Variants in MSRA observed in about 807,000 individuals in gnomAD.
The protein encoded by MSRA is mitochondrial peptide methionine sulfoxide reductase.
MSRA carries 54 observed loss-of-function variants against 31.3 expected under a neutral mutation model. The ratio of observed to expected loss-of-function variants is 1.73; its 90% confidence interval spans 1.39 to 2.17. The LOEUF is 2.17. Among genes scored for constraint, MSRA ranks in the 30% most tolerant of loss-of-function variants. The pLI, the probability that MSRA is intolerant of heterozygous loss-of-function variation, is 0.00. For synonymous variants in MSRA, 169 were observed against 116.5 expected (o/e 1.45, Z -2.90); for missense variants, 507 against 300.9 (o/e 1.69, Z -5.07).
chr8:10,230,863 C>A (rs544803688), intron 2 of MSRA, among the ~76,000 whole-genome samples: 2 of 152,292 alleles, frequency 1.3e-5, no homozygotes, highest in African/African-American at 4.8e-5. Flanking sequence ...TGGCTCACTG[C>A]AACCTCCGCC....
intron 5 of MSRA, among the ~76,000 whole-genome samples, chr8:10,420,379 G>T (rs747984359): frequency 4.6e-5 from 7 of 151,826 alleles, no homozygotes; most frequent in Non-Finnish European, 8.8e-5. Context: ...TAATATTGGG[G>T]CTTCTCATCT....
chr8:10,373,749 G>A (rs1237796722), intron 5 of MSRA, among the ~76,000 whole-genome samples: 1 of 152,238 alleles, frequency 6.6e-6, no homozygotes, highest in Non-Finnish European at 1.5e-5. Context: ...GATCAAGTGG[G>A]ACAGGTGAGA....
chr8:10,255,826 T>G (rs1798147948), intron 3 of MSRA, among the ~76,000 whole-genome samples: 2 of 151,946 alleles, frequency 1.3e-5, no homozygotes, highest in South Asian at 4.2e-4. Context: ...AGTTTTAATT[T>G]TTTCATCTAA....
At chr8:10,318,360 C>A (rs999329794) in intron 4 of MSRA, among the ~76,000 whole-genome samples, 1 of 152,174 alleles carries the variant, frequency 6.6e-6, no homozygotes, top group African/African-American at 2.4e-5. Context: ...AGTACAGTGT[C>A]AGGCTCGTGA....
chr8:10,176,441 G>T lies in MSRA; in HGVS notation c.143-31392G>T, dbSNP rs542620502. Among the ~76,000 whole-genome samples the T allele has an allele frequency of 2.0e-5, 3 of 152,308 alleles. No homozygotes were observed. The East Asian group carries it at 5.8e-4, about 29-fold the overall frequency. ...GTGAGGATGGTGGACTTTGTGTGGT[G>T]CCAGGAGGCTTCCCAGAGGCTTGGG... is the stretch of plus-strand genomic sequence containing the variant. On this transcript the variant is annotated intron_variant, in intron 1 of 5. Coordinates refer to ENST00000317173, the MANE Select transcript of MSRA (RefSeq NM_012331.5).
At chr8:10,182,435 A>C (rs1215114396) in intron 1 of MSRA, among the ~76,000 whole-genome samples, 1 of 152,190 alleles carries the variant, frequency 6.6e-6, no homozygotes, top group Admixed American at 6.5e-5. Flanking sequence ...CCTCTACTTC[A>C]GAGTCTCTCA....
intron 5 of MSRA, among the ~76,000 whole-genome samples, chr8:10,339,531 CTTTTTTT>C (rs774034241): frequency 1.9e-4 from 14 of 72,812 alleles, no homozygotes; most frequent in East Asian, 1.4e-3. Flanking sequence ...TTCTTTCTTT[CTTTTTTT>C]TTTTTTTTTT....
At chr8:10,422,971 C>A (rs141831024) in intron 5 of MSRA, among the ~76,000 whole-genome samples, 1 of 152,204 alleles carries the variant, frequency 6.6e-6, no homozygotes, top group African/African-American at 2.4e-5. Flanking sequence ...GTCTTGAGGC[C>A]GGAGCGCCAC....
chr8:10,290,297 C>A (rs1800161754), intron 3 of MSRA, among the ~76,000 whole-genome samples: 1 of 152,136 alleles, frequency 6.6e-6, no homozygotes, highest in Non-Finnish European at 1.5e-5. Context: ...ATTAGGACAT[C>A]CCAATAGTGG....
chr8:10,262,940 C>CTGAT (rs1798556897), intron 3 of MSRA, among the ~76,000 whole-genome samples: 1 of 152,190 alleles, frequency 6.6e-6, no homozygotes, highest in Non-Finnish European at 1.5e-5. Context: ...TTTTGTGCTT[C>CTGAT]TGATGACTTT....
At chr8:10,075,233 A>C (rs1228533775) in intron 1 of MSRA, among the ~76,000 whole-genome samples, 1 of 152,202 alleles carries the variant, frequency 6.6e-6, no homozygotes. Flanking sequence ...CTGTTACATG[A>C]TGACCATTAG....
At chr8:10,188,298 A>T (rs1028470380) in intron 1 of MSRA, among the ~76,000 whole-genome samples, 33 of 152,172 alleles carry the variant, frequency 2.2e-4, no homozygotes, top group Non-Finnish European at 4.3e-4. Flanking sequence ...ACATTTGTGG[A>T]TTTGTGTAAC....
intron 5 of MSRA, among the ~76,000 whole-genome samples, chr8:10,423,594 C>T (rs1289922850): frequency 1.3e-5 from 2 of 152,176 alleles, no homozygotes; most frequent in South Asian, 2.1e-4. Context: ...GCTCCTGCAC[C>T]ACCCCACTCT....
intron 3 of MSRA, among the ~76,000 whole-genome samples, chr8:10,294,124 C>A (rs1197656790): frequency 6.6e-6 from 1 of 152,096 alleles, no homozygotes; most frequent in Non-Finnish European, 1.5e-5. Flanking sequence ...TTGCTTGAAC[C>A]TGGGAGGTGG....
chr8:10,384,749 T>C (rs1010530964), intron 5 of MSRA, among the ~76,000 whole-genome samples: 1 of 152,184 alleles, frequency 6.6e-6, no homozygotes, highest in South Asian at 2.1e-4. Context: ...GGTTCATGCC[T>C]GAAATCCTAG....
intron 5 of MSRA, 178 bp downstream of exon 5, chr8:10,320,167 A>G (rs1438867792): frequency 4.3e-6 from 2 of 461,254 alleles, no homozygotes; most frequent in Non-Finnish European, 7.8e-6. Context: ...GTGCTAAATG[A>G]GGTTTTAAGA....
intron 1 of MSRA, among the ~76,000 whole-genome samples, chr8:10,088,184 T>C (rs187125473): frequency 1.3e-5 from 2 of 152,314 alleles, no homozygotes; most frequent in African/African-American, 4.8e-5. Context: ...GACTTCCCCA[T>C]GCTACCATCT....
At chr8:10,419,996 T>C (rs1331786806) in intron 5 of MSRA, among the ~76,000 whole-genome samples, 2 of 152,126 alleles carry the variant, frequency 1.3e-5, no homozygotes, top group East Asian at 1.9e-4. Flanking sequence ...TAACGAGGTG[T>C]CTTTGTGGGG....
chr8:10,205,740 ATTT>A (rs1278834859), intron 1 of MSRA, among the ~76,000 whole-genome samples: 1 of 152,230 alleles, frequency 6.6e-6, no homozygotes, highest in Non-Finnish European at 1.5e-5. Context: ...TTGTGTTTTC[ATTT>A]TTATGTTCTT....
Sources: allele counts gnomAD v4.1 joint callset (sites outside exome capture counted in the v4.1 genomes callset), GRCh38; gene constraint gnomAD v4.1.1; transcripts MANE v1.5; gene names NCBI Gene and HGNC (gene_info 2026-07-23, HGNC 2026-07-21).